RPGR: variants seen among roughly 807,000 people sequenced by gnomAD.
RPGR encodes the protein retinitis pigmentosa GTPase regulator, also known as X-linked retinitis pigmentosa GTPase regulator.
Under a neutral mutation model 56.3 loss-of-function variants are expected in RPGR, and 10 were observed. The observed-to-expected ratio is 0.18, with a 90% CI of 0.11 to 0.30. The LOEUF (loss-of-function observed/expected upper bound fraction) is 0.30, where lower values mean the gene tolerates loss of function less well. RPGR is among the 10% of genes least tolerant of loss of function. The pLI, the probability that RPGR is intolerant of heterozygous loss-of-function variation, is 1.00. For missense variants in RPGR, 538 were observed against 590.9 expected (o/e 0.91, Z 0.93); for synonymous variants, 197 against 212.9 (o/e 0.93, Z 0.65).
intron 13 of RPGR, among the ~76,000 whole-genome samples, chrX:38,289,130 T>C (rs1167011191): frequency 9.0e-6 from 1 of 111,438 alleles, no homozygotes; most frequent in African/African-American, 3.3e-5. Flanking sequence ...ATTCACAAAA[T>C]AAATAAAAAT....
At chrX:38,284,097 T>C (rs2067083185) in intron 15 of RPGR, among the ~76,000 whole-genome samples, 1 of 111,548 alleles carries the variant, frequency 9.0e-6, no homozygotes, top group South Asian at 3.7e-4. Context: ...TTTCCTCATA[T>C]TCTTTCTCAC....
intron 9 of RPGR, among the ~76,000 whole-genome samples, chrX:38,299,667 G>A (rs919161008): frequency 1.8e-5 from 2 of 109,548 alleles, no homozygotes; most frequent in African/African-American, 3.3e-5. Context: ...TTACTTGGGT[G>A]ATGACAGAAC....
chrX:38,323,374 C>A (rs2067984628), intron 2 of RPGR, 25 bp downstream of exon 2: 1 of 1,179,162 alleles, frequency 8.5e-7, no homozygotes, highest in Non-Finnish European at 1.2e-6. Flanking sequence ...GTATTACTGT[C>A]CTTATTCAGG....
chrX:38,313,033 C>T lies in RPGR; in HGVS notation c.620-2260G>A, dbSNP rs898523486. Among the ~76,000 whole-genome samples the T allele has an allele frequency of 8.1e-5, 9 of 110,704 alleles. No individual in the cohort carries two copies. In the Admixed American group the frequency reaches 8.6e-4, roughly 11 times the overall value. ...TGATCCCTAACCTCTAAACAAACAA[C>T]CTCTAAACAAACTCAACTATGCAAT... is the stretch of plus-strand genomic sequence containing the variant. On this transcript the variant is annotated intron_variant, in intron 6 of 18. Transcript: ENST00000642395.
intron 18 of RPGR, among the ~76,000 whole-genome samples, chrX:38,270,626 A>C (rs2066828677): frequency 9.5e-6 from 1 of 105,583 alleles, no homozygotes; most frequent in African/African-American, 3.4e-5. Context: ...CTGTCCCCAA[A>C]AAAAAAAAAA....
intron 15 of RPGR, among the ~76,000 whole-genome samples, chrX:38,282,807 G>GCAA (rs33998722): frequency 9.0e-6 from 1 of 110,637 alleles, no homozygotes; most frequent in Non-Finnish European, 1.9e-5. Flanking sequence ...AGCAGCAGCA[G>GCAA]TTTCTGTGGT....
chrX:38,278,849 A>G (rs184449148), intron 15 of RPGR, among the ~76,000 whole-genome samples: 22 of 111,960 alleles, frequency 2.0e-4, no homozygotes, highest in African/African-American at 6.8e-4. Flanking sequence ...ACCTGGGTCA[A>G]CTCCAACTGG....
chrX:38,286,437 TCCTTCCTCCTCTTCCCCCTCC>T lies in RPGR; in HGVS notation c.1905+636_1905+656del, dbSNP rs751710678. 0.024 allele frequency: 20,674 copies of T among 855,600 alleles called. 589 individuals are homozygous for T. Among genetic ancestry groups the T allele is most frequent in the East Asian group, 0.085 (1,580 of 18,598 alleles). The allele number at this position is 855,600 out of a possible 1,213,427, so 70.5% of individuals were successfully genotyped here. A position where few individuals can be genotyped will look rare whatever the true frequency, so the allele number is the denominator to read the frequency against. ...CCCCTTCTTCCTCCCCTTTCCCTTCTCCTTCCTCCTCTTCCCCCTCCCCTTCCTCCTCTTCCCCCTCCCCTT... is the reference window on the plus strand; with the variant it reads ...CCCCTTCTTCCTCCCCTTTCCCTTCTCCTTCCTCCTCTTCCCCCTCCCCTT... On this transcript the variant is annotated intron_variant, in intron 15 of 18. Transcript: ENST00000642395.
intron 9 of RPGR, 113 bp downstream of exon 9, chrX:38,301,132 GAT>G (rs1159855567): frequency 8.1e-6 from 5 of 618,391 alleles, no homozygotes; most frequent in Non-Finnish European, 1.2e-5. Flanking sequence ...ATATTTATTA[GAT>G]ATATATATGA....
intron 1 of RPGR, among the ~76,000 whole-genome samples, chrX:38,324,617 A>G (rs2068010090): frequency 9.2e-6 from 1 of 108,761 alleles, no homozygotes. Context: ...CTTAGCCCAG[A>G]GCCTAGCATC....
In RPGR at chrX:38,299,128, C is replaced by T; in HGVS notation, c.1073G>A (p.Gly358Glu). 8.3e-7 allele frequency: 1 copy of T among 1,210,703 alleles called. No individual in the cohort carries two copies. Among genetic ancestry groups the T allele is most frequent in the Non-Finnish European group, 1.1e-6 (1 of 894,849 alleles). Residue 358 changes from glycine to glutamate, a missense_variant, in exon 10 of 19, where the codon GGA becomes GAA. By Grantham distance (98) the Gly-to-Glu change is moderately conservative. Coordinates refer to ENST00000642395, the MANE Select transcript of RPGR (RefSeq NM_000328.3). ...AGCAGCAAAAACTACCATGTGACAT[C>T]CACCACAAGCAACCTGCAGCATAAA... is the stretch of plus-strand genomic sequence containing the variant.
chrX:38,304,878 T>C (rs773119902), intron 7 of RPGR, 88 bp from the exon 8 acceptor site: 5 of 888,533 alleles, frequency 5.6e-6, no homozygotes, highest in African/African-American at 2.0e-5. Context: ...CGTTCAACCT[T>C]TTATAGTGAA....
chrX:38,273,574 G>A (rs926421354), intron 17 of RPGR: 2 of 630,288 alleles, frequency 3.2e-6, no homozygotes, highest in Non-Finnish European at 5.0e-6. Context: ...GAGTTGTGGG[G>A]TAATACGAAA....
At chrX:38,284,386 T>C (rs986571279) in intron 15 of RPGR, 22 bp downstream of exon 15, 2 of 656,219 alleles carry the variant, frequency 3.0e-6, no homozygotes, top group Non-Finnish European at 3.6e-6. Context: ...GTTTATCTTT[T>C]CATAAAGAAT....
At chrX:38,283,956 A>T (rs1367612496) in intron 15 of RPGR, among the ~76,000 whole-genome samples, 2 of 112,017 alleles carry the variant, frequency 1.8e-5, no homozygotes, top group African/African-American at 6.5e-5. Context: ...ATGTGGTCGA[A>T]TTCGGTAAAG....
intron 17 of RPGR, chrX:38,274,946 TATG>T: frequency 2.0e-6 from 1 of 493,318 alleles, no homozygotes; most frequent in East Asian, 3.7e-5. Context: ...CATAGCTTGT[TATG>T]AGGATCATGT....
chrX:38,304,842 T>C (rs1410598845), intron 7 of RPGR, 52 bp from the exon 8 acceptor site: 3 of 1,118,883 alleles, frequency 2.7e-6, no homozygotes, highest in African/African-American at 3.6e-5. Flanking sequence ...CAGACACTGT[T>C]ACCATCATAT....
rs746535151 is a variant in RPGR at position 38,285,807 on chromosome X, TTCC to T, written c.1905+1284_1905+1286del. 839 of 1,206,314 alleles carry T rather than the reference TTCC, an allele frequency of 7.0e-4. 3 individuals are homozygous for T. The highest frequency in any genetic ancestry group is 8.3e-4 in the Non-Finnish European group (741 of 894,035). ...CTGTCTCCTGATACTTCCCCTCTTC[TTCC>T]TCCTCCTCTTCTCTGTTCCTCCTGT... On this transcript the variant is annotated intron_variant, in intron 15 of 18. Coordinates refer to ENST00000642395, the MANE Select transcript of RPGR (RefSeq NM_000328.3).
chrX:38,274,097 T>C (rs766690034), intron 17 of RPGR, among the ~76,000 whole-genome samples: 1 of 112,378 alleles, frequency 8.9e-6, no homozygotes, highest in African/African-American at 3.2e-5. Flanking sequence ...TAAGTTTAGA[T>C]CAGATATCCA....
Sources: gnomAD v4.1 joint callset for allele counts (sites outside exome capture counted in the v4.1 genomes callset) on GRCh38, gnomAD v4.1.1 for gene constraint, MANE v1.5 for transcripts, NCBI Gene and HGNC (gene_info 2026-07-23, HGNC 2026-07-21) for gene names.